NADK: variants seen among roughly 807,000 people sequenced by gnomAD.
NADK encodes the protein NAD kinase.
A neutral mutation model predicts 49.8 loss-of-function variants in NADK; 22 were observed. That is an observed-to-expected ratio of 0.44 (90% CI 0.32 to 0.63). NADK has a LOEUF of 0.63. Ranked by LOEUF, NADK falls within the 30% of genes least tolerant of loss-of-function variation. The probability of loss-of-function intolerance (pLI) is 0.06; values close to 1 mark genes in which losing one functional copy is unlikely to be tolerated. For synonymous variants in NADK, 268 were observed against 253.7 expected (o/e 1.06, Z -0.54); for missense variants, 438 against 609.4 (o/e 0.72, Z 2.96).
At chr1:1,756,407 C>T (rs1037045859) in intron 5 of NADK, 64 bp from the exon 6 acceptor site, 85 of 1,607,052 alleles carry the variant, frequency 5.3e-5, no homozygotes, top group Non-Finnish European at 6.6e-5. Flanking sequence ...TGGCGCAGTG[C>T]GCAGACACCA....
At chr1:1,762,739 A>G (rs1439744403) in intron 2 of NADK, among the ~76,000 whole-genome samples, 1 of 151,514 alleles carries the variant, frequency 6.6e-6, no homozygotes, top group African/African-American at 2.4e-5. Context: ...CCTGGCTGAA[A>G]AAAGTGAAAC....
At position 1,752,892 on chromosome 1, in the gene NADK, T is replaced by G. The variant is rs898507245; in HGVS notation, c.*12A>C. On this transcript the variant is annotated 3_prime_UTR_variant, in exon 12 of 12. Transcript: ENST00000341426. ...GGCAGCGGAAGGATTCGGGCCTGGA[T>G]AGGGGCTTGACCTAGCCCTCCTCCT... 1.2e-6 allele frequency: 2 copies of G among 1,607,776 alleles called. No individual in the cohort carries two copies. Among genetic ancestry groups the G allele is most frequent in the African/African-American group, 2.7e-5 (2 of 74,648 alleles).
In NADK at chr1:1,754,274, C is replaced by T. The variant is rs180881514; in HGVS notation, c.943+10G>A. The T allele has an allele frequency of 1.1e-3, 1,719 of 1,613,478 alleles. 6 individuals are homozygous for T. Among genetic ancestry groups the T allele is most frequent in the African/African-American group, 9.0e-3 (677 of 75,028 alleles). ...CGCTCAGGGCCCCAGGACAGTGCTG[C>T]GGGCCTTACCGTCGCCCTGCACCGT... On this transcript the variant is annotated intron_variant, in intron 9 of 11. Coordinates refer to ENST00000341426, the MANE Select transcript of NADK (RefSeq NM_023018.5). This position sits in a 1 kb window ranked among gnomAD's most constrained non-coding sequence, Gnocchi z 4.3.
chr1:1,764,070 C>T (rs1312370502), intron 2 of NADK, among the ~76,000 whole-genome samples: 2 of 152,172 alleles, frequency 1.3e-5, no homozygotes, highest in South Asian at 2.1e-4. Flanking sequence ...CACCAGCGCT[C>T]GTAGCCTCCT....
intron 3 of NADK, among the ~76,000 whole-genome samples, chr1:1,758,114 C>T (rs1257333208): frequency 6.6e-6 from 1 of 152,172 alleles, no homozygotes; most frequent in African/African-American, 2.4e-5. Context: ...GGCTGGCCAC[C>T]GTCGTCAGCG....
At chr1:1,771,975 T>C (rs1245730315) in intron 1 of NADK, among the ~76,000 whole-genome samples, 2 of 147,226 alleles carry the variant, frequency 1.4e-5, no homozygotes, top group African/African-American at 5.0e-5. Flanking sequence ...ACCTGGAAAT[T>C]TTTTTTTTTT....
chr1:1,756,459 G>C (rs879088363), intron 5 of NADK, 44 bp downstream of exon 5: 1 of 1,612,992 alleles, frequency 6.2e-7, no homozygotes, highest in Non-Finnish European at 8.5e-7. Flanking sequence ...ATGGGGCGGG[G>C]AACTGTGCTG....
chr1:1,774,884 G>A (rs1187115427), intron 1 of NADK, among the ~76,000 whole-genome samples: 1 of 152,022 alleles, frequency 6.6e-6, no homozygotes, highest in Non-Finnish European at 1.5e-5. Context: ...GAGGCGGGCA[G>A]ATCACGACAT....
At chr1:1,773,711 T>TGAGAGAGAGAGA (rs769092801) in intron 1 of NADK, among the ~76,000 whole-genome samples, 3 of 113,680 alleles carry the variant, frequency 2.6e-5, no homozygotes, top group East Asian at 2.5e-4. Context: ...TGTGTGTGTG[T>TGAGAGAGAGAGA]GTGTGTGTGT....
At chr1:1,779,169 AG>A (rs1020202219), upstream of NADK, 1 of 152,234 alleles carries the variant, frequency 6.6e-6, no homozygotes, top group African/African-American at 2.4e-5. Flanking sequence ...CTGGCAGTGG[AG>A]GGAGGACCCG....
rs926274513 is a variant in NADK at position 1,752,610 on chromosome 1, T to C, written c.*294A>G. 8 of 330,478 alleles carry C rather than the reference T, an allele frequency of 2.4e-5. No individual in the cohort carries two copies. The East Asian group carries it at 3.6e-4, about 15-fold the overall frequency. The allele number at this position is 330,478 out of a possible 1,614,324, so 20.5% of individuals were successfully genotyped here. A position where few individuals can be genotyped will look rare whatever the true frequency, so the allele number is the denominator to read the frequency against. On this transcript the variant is annotated 3_prime_UTR_variant, in exon 12 of 12. Transcript: ENST00000341426. ...CCGACTGATTTGCGGAAAAATATCC[T>C]GGCATGGAAATTGCGGCAGCTGGAG...
chr1:1,767,201 G>A (rs945935761), intron 1 of NADK, among the ~76,000 whole-genome samples: 1 of 152,208 alleles, frequency 6.6e-6, no homozygotes, highest in African/African-American at 2.4e-5. Flanking sequence ...ACAGGCGTAA[G>A]CCACCACGCC....
At chr1:1,779,027 C>T, upstream of NADK, 1 of 152,454 alleles carries the variant, frequency 6.6e-6, no homozygotes, top group African/African-American at 2.4e-5. Context: ...TCCCTCGGGG[C>T]TGTCCGTCGG....
chr1:1,770,453 C>A (rs1488652283), intron 1 of NADK, among the ~76,000 whole-genome samples: 2 of 152,162 alleles, frequency 1.3e-5, no homozygotes, highest in Non-Finnish European at 2.9e-5. Flanking sequence ...AGTTTATTAG[C>A]AAGGTTTCAG....
chr1:1,755,401 G>C lies in NADK; in HGVS notation c.661C>G (p.Gln221Glu). The C allele has an allele frequency of 6.2e-7, 1 of 1,614,046 alleles. No individual in the cohort carries two copies. Among genetic ancestry groups the C allele is most frequent in the Non-Finnish European group, 8.5e-7 (1 of 1,179,948 alleles). The change falls in exon 7 of 12, where the codon CAG becomes GAG. Residue 221 changes from glutamine (Q) to glutamate (E), a missense_variant. Gln to Glu is a conservative substitution (Grantham distance 29). Transcript: ENST00000341426. ...TCTATCACCTGAGTAACTTGGGACT[G>C]AAAGTTCTCAAAGCTGAATGGGGTC... ...FLTPFSFENF[Q>E]SQVTQVIEGN...
chr1:1,778,990 C>T (rs564049840), upstream of NADK, among the ~76,000 whole-genome samples: 16 of 152,360 alleles, frequency 1.1e-4, no homozygotes, highest in African/African-American at 3.4e-4. This position sits in a 1 kb window ranked among gnomAD's most constrained non-coding sequence, Gnocchi z 4.9. Context: ...GGAACCGAAA[C>T]TTAGAGCAGC....
chr1:1,752,910 C>G lies in NADK; in HGVS notation c.1335G>C (p.Glu445Asp). The G allele has an allele frequency of 9.1e-7, 1 of 1,100,644 alleles. No homozygotes were observed. Among genetic ancestry groups the G allele is most frequent in the East Asian group, 3.3e-5 (1 of 29,912 alleles). 68.2% of individuals were successfully genotyped at this position (1,100,644 alleles called of 1,614,324 possible). A position where few individuals can be genotyped will look rare whatever the true frequency, so the allele number is the denominator to read the frequency against. Reference sequence around the variant, plus strand: ...GCCTGGATAGGGGCTTGACCTAGCCCTCCTCCTCCTCCTCCTCCTCCTCCT... The same window carrying G: ...GCCTGGATAGGGGCTTGACCTAGCCGTCCTCCTCCTCCTCCTCCTCCTCCT... ...HFEEEEEEEE[E>D]G is the part of the protein sequence containing the mutation. The change falls in exon 12 of 12, where the codon GAG becomes GAC. Residue 445 changes from glutamate to aspartate, a missense_variant. Coordinates refer to ENST00000341426, the MANE Select transcript of NADK (RefSeq NM_023018.5).
At chr1:1,775,595 T>C (rs1404063233) in intron 1 of NADK, among the ~76,000 whole-genome samples, 2 of 152,228 alleles carry the variant, frequency 1.3e-5, no homozygotes, top group Non-Finnish European at 2.9e-5. Context: ...GGGCTTTCTT[T>C]AGATGTGGCT....
intron 1 of NADK, among the ~76,000 whole-genome samples, chr1:1,774,972 G>C (rs957050869): frequency 2.0e-5 from 3 of 152,028 alleles, no homozygotes; most frequent in African/African-American, 4.8e-5. Flanking sequence ...AGCTGGGCGC[G>C]GTGGCAGGCG....
Sources: gnomAD v4.1 joint callset for allele counts (sites outside exome capture counted in the v4.1 genomes callset) on GRCh38, gnomAD v4.1.1 for gene constraint, Gnocchi (gnomAD v3.1) non-coding constraint, MANE v1.5 for transcripts, NCBI Gene and HGNC (gene_info 2026-07-23, HGNC 2026-07-21) for gene names.